Variants in NMNAT3 observed in about 807,000 individuals in gnomAD.
NMNAT3 encodes the protein nicotinamide nucleotide adenylyltransferase 3, also known as nicotinamide/nicotinic acid mononucleotide adenylyltransferase 3.
In NMNAT3, 21 loss-of-function variants were observed where a neutral mutation model predicts 24.8. The ratio of observed to expected loss-of-function variants is 0.85; its 90% CI spans 0.60 to 1.22. The LOEUF (loss-of-function observed/expected upper bound fraction) is 1.22. NMNAT3 is among the 50% of genes most tolerant of loss of function. The pLI is 0.00. For synonymous variants in NMNAT3, 136 were observed against 155.2 expected, an observed-to-expected ratio of 0.88 and a Z score of 0.92; for missense variants, 387 against 436.6, an observed-to-expected ratio of 0.89 and a Z score of 1.01.
chr3:139,625,207 T>C (rs2108303369), intron 3 of NMNAT3, among the ~76,000 whole-genome samples: 1 of 152,366 alleles, frequency 6.6e-6, no homozygotes, highest in Non-Finnish European at 1.5e-5. Flanking sequence ...GTTCTCTTAC[T>C]TTTAACCTAT....
intron 3 of NMNAT3, among the ~76,000 whole-genome samples, chr3:139,621,887 T>C (rs1419580781): frequency 6.6e-6 from 1 of 152,224 alleles, no homozygotes; most frequent in Non-Finnish European, 1.5e-5. Flanking sequence ...TCCAGTTCCA[T>C]CCATGTTGCT....
intron 3 of NMNAT3, among the ~76,000 whole-genome samples, chr3:139,622,770 T>A (rs1559921202): frequency 7.2e-6 from 1 of 138,612 alleles, no homozygotes; most frequent in African/African-American, 2.7e-5. Context: ...ATCATATATA[T>A]CATATATATG....
chr3:139,617,554 A>G (rs933171180), intron 3 of NMNAT3, among the ~76,000 whole-genome samples: 3 of 152,236 alleles, frequency 2.0e-5, no homozygotes, highest in East Asian at 1.9e-4. Context: ...TTAGAGCACT[A>G]CGTGGCAAAC....
chr3:139,658,184 G>A (rs58759675), intron 1 of NMNAT3, among the ~76,000 whole-genome samples: 13,707 of 152,014 alleles, frequency 0.09, 959 homozygotes, highest in East Asian at 0.23. Context: ...CTTCTACAGC[G>A]CTCCTTTCCC....
chr3:139,622,848 TTATATATA>T (rs61508216), intron 3 of NMNAT3, among the ~76,000 whole-genome samples: 1 of 136,368 alleles, frequency 7.3e-6, no homozygotes, highest in Non-Finnish European at 1.5e-5. Flanking sequence ...ATTATATATA[TTATATATA>T]TATATATATA....
intron 6 of NMNAT3, among the ~76,000 whole-genome samples, chr3:139,564,181 G>T (rs960379911): frequency 7.2e-5 from 11 of 152,162 alleles, no homozygotes; most frequent in Non-Finnish European, 1.5e-4. Flanking sequence ...GAAGTTATGG[G>T]AATTGAGTGA....
intron 3 of NMNAT3, among the ~76,000 whole-genome samples, chr3:139,591,153 C>G (rs2054150058): frequency 6.6e-6 from 1 of 151,128 alleles, no homozygotes; most frequent in Non-Finnish European, 1.5e-5. Context: ...ATTGCCTCAC[C>G]TGGGAAGCGC....
intron 1 of NMNAT3, among the ~76,000 whole-genome samples, chr3:139,639,607 G>A (rs1026726748): frequency 3.3e-5 from 5 of 152,194 alleles, no homozygotes; most frequent in Admixed American, 3.3e-4. Context: ...TGGGTATCAT[G>A]TGGCCATCTT....
intron 6 of NMNAT3, among the ~76,000 whole-genome samples, chr3:139,563,439 G>A (rs1211530475): frequency 6.6e-6 from 1 of 152,178 alleles, no homozygotes; most frequent in Non-Finnish European, 1.5e-5. Flanking sequence ...AGAGAACAGA[G>A]AAGATACCAC....
intron 1 of NMNAT3, among the ~76,000 whole-genome samples, chr3:139,649,338 C>CAA (rs2056978692): frequency 6.6e-6 from 1 of 151,552 alleles, no homozygotes; most frequent in Admixed American, 6.6e-5. Context: ...AACAAACAAA[C>CAA]AAACAAACAA....
intron 3 of NMNAT3, among the ~76,000 whole-genome samples, chr3:139,596,964 A>ATATATATATTTT (rs1405063694): frequency 2.6e-4 from 28 of 108,546 alleles, no homozygotes; most frequent in Non-Finnish European, 4.3e-4. Context: ...ATATATATAT[A>ATATATATATTTT]TTTTTATTAC....
intron 1 of NMNAT3, among the ~76,000 whole-genome samples, chr3:139,643,089 T>C (rs1227371648): frequency 6.6e-6 from 1 of 152,160 alleles, no homozygotes; most frequent in Non-Finnish European, 1.5e-5. Flanking sequence ...AAAGAAAACA[T>C]ATGAATGGCC....
intron 1 of NMNAT3, among the ~76,000 whole-genome samples, chr3:139,674,273 C>A (rs2057853690): frequency 6.6e-6 from 1 of 152,182 alleles, no homozygotes; most frequent in African/African-American, 2.4e-5. Flanking sequence ...TTCCTAATTC[C>A]TAGAGTGGCA....
At chr3:139,593,278 G>A (rs368168021) in intron 3 of NMNAT3, among the ~76,000 whole-genome samples, 9 of 152,140 alleles carry the variant, frequency 5.9e-5, no homozygotes, top group African/African-American at 1.7e-4. Context: ...TCCTAAATAT[G>A]TATGCACCCA....
At chr3:139,577,741 A>T (rs1178631507) in intron 5 of NMNAT3, 1 of 152,218 alleles carries the variant, frequency 6.6e-6, no homozygotes, top group African/African-American at 2.4e-5. Flanking sequence ...AAAGAAGAGC[A>T]TGTGTCATAA....
intron 1 of NMNAT3, among the ~76,000 whole-genome samples, chr3:139,651,320 T>C (rs1239936840): frequency 6.6e-6 from 1 of 152,180 alleles, no homozygotes; most frequent in Non-Finnish European, 1.5e-5. Context: ...TCCATTTTTT[T>C]TTGCAAAGTA....
At chr3:139,634,543 T>C (rs1432870136) in intron 2 of NMNAT3, 68 bp downstream of exon 3, 1 of 152,210 alleles carries the variant, frequency 6.6e-6, no homozygotes, top group Non-Finnish European at 1.5e-5. Context: ...CGATCTCCAG[T>C]ACTTTTTCTT....
intron 3 of NMNAT3, among the ~76,000 whole-genome samples, chr3:139,600,029 T>C (rs1328613802): frequency 1.3e-5 from 2 of 152,200 alleles, no homozygotes; most frequent in African/African-American, 4.8e-5. Flanking sequence ...TCAGTGCCCT[T>C]GGAATATGTG....
rs1938800588 is a variant in NMNAT3 at position 139,573,648 on chromosome 3, GGT to G, written c.606_607del (p.Gln204AspfsTer19). 6.2e-7 allele frequency: 1 copy of G among 1,606,004 alleles called. No homozygotes were observed. Among genetic ancestry groups the G allele is most frequent in the African/African-American group, 1.3e-5 (1 of 74,540 alleles). On this transcript the variant is annotated frameshift_variant, in exon 6 of 7. Transcript: ENST00000643695. LOFTEE classifies it high-confidence loss of function. The stretch of plus-strand genomic sequence containing the variant: ...GCCATGGTCTGGGCCTTCCATCTGG[GGT>G]GGAGATCTGAGCAGTTTGCTGTGAT...
Sources: allele counts gnomAD v4.1 joint callset (sites outside exome capture counted in the v4.1 genomes callset), GRCh38; gene constraint gnomAD v4.1.1; transcripts MANE v1.5; gene names NCBI Gene and HGNC (gene_info 2026-07-23, HGNC 2026-07-21).